AGR2: variants seen among roughly 807,000 people sequenced by gnomAD.
The protein encoded by AGR2 is anterior gradient 2, protein disulphide isomerase family member.
A neutral mutation model predicts 25.9 loss-of-function variants in AGR2; 27 were observed. The ratio of observed to expected loss-of-function variants is 1.04; its 90% confidence interval spans 0.77 to 1.44. The LOEUF (loss-of-function observed/expected upper bound fraction) is 1.44. AGR2 is among the 40% of genes most tolerant of loss of function. AGR2 has a pLI of 0.00. For synonymous variants in AGR2, 78 were observed against 72.0 expected (o/e 1.08, Z -0.42); for missense variants, 182 against 200.9 (o/e 0.91, Z 0.57).
chr7:16,794,942 C>T lies in AGR2; in HGVS notation c.472G>A (p.Ala158Thr). Residue 158 changes from alanine to threonine, a missense_variant, in exon 7 of 8, where the codon GCT (alanine) becomes ACT (threonine). By Grantham distance (58) the Ala-to-Thr change is moderately conservative. Transcript: ENST00000419304. Reference sequence around the variant, plus strand: ...AATTGAAGGTCACACTTACACAGAGCTGTATCTGCAGGTTCGTAAGCATAG... The same window carrying T: ...AATTGAAGGTCACACTTACACAGAGTTGTATCTGCAGGTTCGTAAGCATAG... ...RLYAYEPADTALLLDNMKKAL... is the reference protein window; with the variant it reads ...RLYAYEPADTTLLLDNMKKAL... 6.2e-7 allele frequency: 1 copy of T among 1,614,188 alleles called. No homozygotes were observed. The highest frequency in any genetic ancestry group is 8.5e-7 in the Non-Finnish European group (1 of 1,180,016).
At chr7:16,794,651 C>G in intron 7 of AGR2, 1 of 647,636 alleles carries the variant, frequency 1.5e-6, no homozygotes, top group Non-Finnish European at 2.6e-6. Context: ...TGCTCGTGTA[C>G]CTAACAGAAA....
chr7:16,793,477 C>G (rs1400589535), intron 7 of AGR2, among the ~76,000 whole-genome samples: 1 of 152,196 alleles, frequency 6.6e-6, no homozygotes, highest in Non-Finnish European at 1.5e-5. Flanking sequence ...TCCTTCATCT[C>G]CAACCCTCAC....
intron 7 of AGR2, chr7:16,794,599 T>G: frequency 2.1e-6 from 1 of 477,228 alleles, no homozygotes; most frequent in Admixed American, 3.7e-5. Context: ...ACATGCAGAT[T>G]ATTACAATTA....
rs2043215553 is a variant in AGR2, at chr7:16,797,505, G to A, written c.394+126C>T. ...GTTGCGGAACTTAAAGGAATGTCAT[G>A]CTCCTTGCTAGAGCTTAGTGATGAC... On this transcript the variant is annotated intron_variant, in intron 6 of 7. Coordinates refer to ENST00000419304, the MANE Select transcript of AGR2 (RefSeq NM_006408.4). 5.9e-6 allele frequency: 4 copies of A among 683,726 alleles called. No homozygotes were observed. In the Admixed American group the frequency reaches 1.1e-4, roughly 19 times the overall value. 42.4% of individuals were successfully genotyped at this position (683,726 alleles called of 1,614,324 possible).
chr7:16,798,261 G>T (rs914734363), intron 5 of AGR2, among the ~76,000 whole-genome samples: 2 of 152,158 alleles, frequency 1.3e-5, no homozygotes, highest in African/African-American at 4.8e-5. Context: ...ATTCCACCCC[G>T]ACTAGGACTT....
Position 16,792,701 on chromosome 7 carries a change from A to T in AGR2, c.*207T>A, listed in dbSNP as rs1344421533. The T allele has an allele frequency of 5.3e-6, 3 of 560,784 alleles. No homozygotes were observed. The highest frequency in any genetic ancestry group is 3.8e-5 in the African/African-American group (2 of 53,128). 34.7% of individuals were successfully genotyped at this position (560,784 alleles called of 1,614,324 possible). ...TTTTTTTAGAAAATCATGGCTCACT[A>T]TGGTAGTATACAATATTGTTTTCAC... is the stretch of plus-strand genomic sequence containing the variant. On this transcript the variant is annotated 3_prime_UTR_variant, in exon 8 of 8. Coordinates refer to ENST00000419304, the MANE Select transcript of AGR2 (RefSeq NM_006408.4).
chr7:16,793,635 C>A (rs775400883), intron 7 of AGR2, among the ~76,000 whole-genome samples: 3 of 152,158 alleles, frequency 2.0e-5, no homozygotes, highest in African/African-American at 2.4e-5. Flanking sequence ...TAATAGCAAA[C>A]CAAGTGCTTT....
At chr7:16,800,327 A>G (rs951138091) in intron 4 of AGR2, among the ~76,000 whole-genome samples, 1 of 152,206 alleles carries the variant, frequency 6.6e-6, no homozygotes, top group Non-Finnish European at 1.5e-5. Context: ...GGGGTAGGCC[A>G]CTGTGGGCAG....
At position 16,801,379 on chromosome 7, in the gene AGR2, C is replaced by A; in HGVS notation, c.144G>T (p.Trp48Cys). The A allele has an allele frequency of 6.2e-7, 1 of 1,612,768 alleles. No individual in the cohort carries two copies. Residue 48 changes from tryptophan to cysteine, a missense_variant, in exon 3 of 8, where the codon TGG becomes TGT. By Grantham distance (215) the Trp-to-Cys change is radical. Transcript: ENST00000419304. ...TCTGAGTCCAGATGAGTTGGTCACCCCAACCTAGAATGAAATGAATCAGTA... is the reference window on the plus strand; with the variant it reads ...TCTGAGTCCAGATGAGTTGGTCACCACAACCTAGAATGAAATGAATCAGTA... ...PKLPQTLSRG[W>C]GDQLIWTQTY...
At chr7:16,797,800 T>A (rs1785075247) in intron 5 of AGR2, 106 bp from the exon 6 acceptor site, 2 of 798,270 alleles carry the variant, frequency 2.5e-6, no homozygotes, top group Non-Finnish European at 4.1e-6. Flanking sequence ...TCTCAAGATA[T>A]CATAACTCTT....
chr7:16,800,023 T>C (rs563146213), intron 4 of AGR2, among the ~76,000 whole-genome samples: 9 of 151,344 alleles, frequency 5.9e-5, no homozygotes, highest in Admixed American at 1.3e-4. Context: ...ATCCATTCAT[T>C]CATCAATTCA....
At chr7:16,800,838 T>A (rs1785129198) in intron 4 of AGR2, among the ~76,000 whole-genome samples, 1 of 152,206 alleles carries the variant, frequency 6.6e-6, no homozygotes, top group Non-Finnish European at 1.5e-5. Flanking sequence ...ACAGGCTTCA[T>A]GCCTGTGAAG....
At chr7:16,793,451 G>T (rs6970366) in intron 7 of AGR2, among the ~76,000 whole-genome samples, 117,426 of 152,130 alleles carry the variant, frequency 0.77, 45,356 homozygotes, top group Middle Eastern at 0.89. Context: ...TTCTAGTGTA[G>T]TCATTCCTTC....
intron 5 of AGR2, among the ~76,000 whole-genome samples, chr7:16,798,952 T>C (rs1317041678): frequency 6.6e-6 from 1 of 152,220 alleles, no homozygotes; most frequent in Non-Finnish European, 1.5e-5. Context: ...GGAAGTTGTT[T>C]CATGTTTGGG....
Position 16,797,615 on chromosome 7 carries a change from T to G in AGR2, c.394+16A>C. The G allele has an allele frequency of 1.9e-6, 3 of 1,612,890 alleles. No individual in the cohort carries two copies. The highest frequency in any genetic ancestry group is 2.5e-6 in the Non-Finnish European group (3 of 1,179,150). ...AGTATGTGTTTCCGAGTTATCTCAC[T>G]GTCACTTCCGCTTACCAACAAACAT... On this transcript the variant is annotated intron_variant, in intron 6 of 7. Transcript: ENST00000419304.
intron 7 of AGR2, 78 bp from the exon 8 acceptor site, chr7:16,793,035 T>C (rs888420848): frequency 2.3e-6 from 3 of 1,329,154 alleles, no homozygotes; most frequent in Non-Finnish European, 3.2e-6. Context: ...ACTTGGATGC[T>C]CAATTCATTA....
chr7:16,798,919 G>T (rs1205457961), intron 5 of AGR2, among the ~76,000 whole-genome samples: 1 of 152,236 alleles, frequency 6.6e-6, no homozygotes, highest in East Asian at 1.9e-4. Context: ...GAGATATCTG[G>T]AATATGGTTG....
chr7:16,798,333 G>A (rs1284652494), intron 5 of AGR2, among the ~76,000 whole-genome samples: 1 of 152,176 alleles, frequency 6.6e-6, no homozygotes, highest in African/African-American at 2.4e-5. Flanking sequence ...GGAAAAGAAA[G>A]ACACTTCATG....
At position 16,792,618 on chromosome 7, in the gene AGR2, C is replaced by G. The variant is rs77364030; in HGVS notation, c.*290G>C. The G allele has an allele frequency of 5.6e-6, 2 of 358,832 alleles. No homozygotes were observed. Among genetic ancestry groups the G allele is most frequent in the South Asian group, 8.1e-5 (2 of 24,732 alleles). The allele number at this position is 358,832 out of a possible 1,614,324, so 22.2% of individuals were successfully genotyped here. A position where few individuals can be genotyped will look rare whatever the true frequency, so the allele number is the denominator to read the frequency against. On this transcript the variant is annotated 3_prime_UTR_variant, in exon 8 of 8. Coordinates refer to ENST00000419304, the MANE Select transcript of AGR2 (RefSeq NM_006408.4). ...TGTGTGTTTAATCCTATTTGGTAAA[C>G]GAACCACTGTGAAAGACCAAGTTGG...
Sources: allele counts gnomAD v4.1 joint callset (sites outside exome capture counted in the v4.1 genomes callset), GRCh38; gene constraint gnomAD v4.1.1; transcripts MANE v1.5; gene names NCBI Gene and HGNC (gene_info 2026-07-23, HGNC 2026-07-21).